Variants in BCAR3 observed in about 807,000 individuals in gnomAD.
The protein encoded by BCAR3 is BCAR3 adaptor protein, NSP family member, also known as breast cancer anti-estrogen resistance protein 3.
Under a neutral mutation model 80.1 loss-of-function variants are expected in BCAR3, and 37 were observed. The ratio of observed to expected loss-of-function variants is 0.46; its 90% CI spans 0.36 to 0.61. The LOEUF (loss-of-function observed/expected upper bound fraction) is 0.61, where lower values mean the gene tolerates loss of function less well. Among genes scored for constraint, BCAR3 ranks in the 20% least tolerant of loss-of-function variants. The pLI is 0.00. For synonymous variants in BCAR3, 389 were observed against 418.9 expected (o/e 0.93, Z 0.87); for missense variants, 978 against 1,068.2 (o/e 0.92, Z 1.18).
intron 3 of BCAR3, among the ~76,000 whole-genome samples, chr1:93,612,966 C>T (rs1433538882): frequency 3.3e-5 from 5 of 152,140 alleles, no homozygotes; most frequent in East Asian, 1.9e-4. Flanking sequence ...TTTTTAAAAG[C>T]GTATTGAGAA....
chr1:93,654,182 G>A (rs180779373), intron 2 of BCAR3, among the ~76,000 whole-genome samples: 54 of 152,284 alleles, frequency 3.5e-4, no homozygotes, highest in African/African-American at 1.3e-3. Flanking sequence ...AATTAGTCTG[G>A]TGTTTAGATT....
intron 2 of BCAR3, among the ~76,000 whole-genome samples, chr1:93,816,039 G>A (rs1044039650): frequency 6.6e-6 from 1 of 152,166 alleles, no homozygotes; most frequent in East Asian, 1.9e-4. Context: ...CAAGAGGTAC[G>A]TATTCAGGCT....
chr1:93,699,239 T>C (rs957607112), intron 3 of BCAR3, among the ~76,000 whole-genome samples: 2 of 152,112 alleles, frequency 1.3e-5, no homozygotes, highest in Non-Finnish European at 2.9e-5. Context: ...ACACATGGGG[T>C]TTTCTTAACT....
intron 2 of BCAR3, among the ~76,000 whole-genome samples, chr1:93,733,956 C>T (rs770102590): frequency 1.3e-5 from 2 of 152,202 alleles, no homozygotes; most frequent in Non-Finnish European, 2.9e-5. Context: ...TGACTTTTCT[C>T]CTAAATATCT....
chr1:93,744,815 G>A (rs532147586), intron 2 of BCAR3, among the ~76,000 whole-genome samples: 14 of 152,296 alleles, frequency 9.2e-5, no homozygotes, highest in African/African-American at 2.9e-4. Flanking sequence ...TCTTCCCCAC[G>A]AGGAAATCCC....
intron 3 of BCAR3, among the ~76,000 whole-genome samples, chr1:93,602,837 TTC>T (rs1674666056): frequency 6.6e-6 from 1 of 152,234 alleles, no homozygotes; most frequent in Non-Finnish European, 1.5e-5. Flanking sequence ...GACCAGTTAC[TTC>T]TAGTACGAGC....
At chr1:93,796,707 G>A (rs1028809147) in intron 2 of BCAR3, among the ~76,000 whole-genome samples, 6 of 152,096 alleles carry the variant, frequency 3.9e-5, no homozygotes, top group African/African-American at 1.2e-4. Flanking sequence ...ATTTGTCTTC[G>A]CTTCCAAACA....
intron 6 of BCAR3, 119 bp from the exon 7 acceptor site, chr1:93,583,072 T>C: frequency 3.3e-6 from 4 of 1,218,154 alleles, no homozygotes; most frequent in Non-Finnish European, 4.5e-6. Flanking sequence ...AATTTTCATT[T>C]TCATTTCCAA....
intron 11 of BCAR3, 63 bp downstream of exon 11, chr1:93,567,216 T>A: frequency 6.4e-7 from 1 of 1,571,970 alleles, no homozygotes; most frequent in Non-Finnish European, 8.7e-7. Flanking sequence ...GCCATGCTCT[T>A]CCATTCCTTC....
At chr1:93,658,836 C>T (rs1219418845) in intron 2 of BCAR3, among the ~76,000 whole-genome samples, 2 of 152,188 alleles carry the variant, frequency 1.3e-5, no homozygotes, top group Non-Finnish European at 2.9e-5. Flanking sequence ...CAATGTAACA[C>T]AACAAGATTT....
chr1:93,716,615 T>A (rs1383315730), intron 2 of BCAR3, among the ~76,000 whole-genome samples: 1 of 152,078 alleles, frequency 6.6e-6, no homozygotes, highest in Non-Finnish European at 1.5e-5. Flanking sequence ...TGTGGTAAGG[T>A]AGAGGGGACG....
At chr1:93,663,302 G>A (rs1647748680) in intron 2 of BCAR3, among the ~76,000 whole-genome samples, 1 of 152,154 alleles carries the variant, frequency 6.6e-6, no homozygotes, top group African/African-American at 2.4e-5. Flanking sequence ...TTTCTTTACA[G>A]CCCAGAGCCA....
chr1:93,740,507 C>T (rs1046976180), intron 2 of BCAR3, among the ~76,000 whole-genome samples: 5 of 152,228 alleles, frequency 3.3e-5, no homozygotes, highest in Non-Finnish European at 5.9e-5. Flanking sequence ...CCTGAACTTC[C>T]AGCAAGATGC....
At chr1:93,597,972 C>T (rs1210006675) in intron 3 of BCAR3, among the ~76,000 whole-genome samples, 3 of 152,204 alleles carry the variant, frequency 2.0e-5, no homozygotes, top group African/African-American at 4.8e-5. Flanking sequence ...TGCAGCCCCA[C>T]GTGGCCCCAG....
chr1:93,630,710 C>T (rs1029356541), intron 3 of BCAR3, among the ~76,000 whole-genome samples: 3 of 152,158 alleles, frequency 2.0e-5, no homozygotes, highest in Non-Finnish European at 2.9e-5. Context: ...TTGGGGACTG[C>T]TTTTAGTACG....
intron 2 of BCAR3, among the ~76,000 whole-genome samples, chr1:93,819,547 A>G (rs765441045): frequency 6.6e-6 from 1 of 152,152 alleles, no homozygotes; most frequent in Non-Finnish European, 1.5e-5. Context: ...TGGATCTTTT[A>G]TTTTTATTTT....
intron 3 of BCAR3, among the ~76,000 whole-genome samples, chr1:93,612,414 G>C (rs1272682637): frequency 2.6e-5 from 4 of 151,996 alleles, no homozygotes; most frequent in African/African-American, 9.7e-5. Context: ...ATATTAAGTG[G>C]CCTTTTCTAT....
At position 93,822,791 on chromosome 1, in the gene BCAR3, T is replaced by C. The variant is rs1049330822; in HGVS notation, c.-63+22776A>G. 2.0e-4 allele frequency among the ~76,000 whole-genome samples: 30 copies of C among 152,086 alleles called. 1 individual carries two copies. Among genetic ancestry groups the C allele is most frequent in the Non-Finnish European group, 3.8e-4 (26 of 68,016 alleles). ...TTCCTGAAAGTGAGACAAAGTTATC[T>C]GTAACAGACACCTATGCTTACCTAC... On this transcript the variant is annotated intron_variant, in intron 2 of 13. Coordinates refer to the BCAR3 transcript ENST00000370244.
chr1:93,808,144 CAG>C (rs1653718374), intron 2 of BCAR3, among the ~76,000 whole-genome samples: 1 of 150,938 alleles, frequency 6.6e-6, no homozygotes, highest in African/African-American at 2.4e-5. Context: ...TGGAGAAGAT[CAG>C]AGAGAGACCT....
Sources: gnomAD v4.1 joint callset for allele counts (sites outside exome capture counted in the v4.1 genomes callset) on GRCh38, gnomAD v4.1.1 for gene constraint, MANE v1.5 for transcripts, NCBI Gene and HGNC (gene_info 2026-07-23, HGNC 2026-07-21) for gene names.